Variants in DAB1 observed in about 807,000 individuals in gnomAD.
DAB1 encodes disabled homolog 1.
DAB1 carries 15 observed loss-of-function variants against 64.6 expected under a neutral mutation model. That is an observed-to-expected ratio of 0.23 (90% CI 0.16 to 0.36). DAB1 has a LOEUF of 0.36. DAB1 is among the 10% of genes least tolerant of loss of function. DAB1 has a pLI of 1.00. For missense variants in DAB1, 596 were observed against 706.7 expected (o/e 0.84, Z 1.78); for synonymous variants, 235 against 251.9 (o/e 0.93, Z 0.64).
intron 7 of DAB1, chr1:57,606,011 T>C: frequency 1.5e-6 from 1 of 658,622 alleles, no homozygotes; most frequent in East Asian, 2.9e-5. Flanking sequence ...GGAGTTTTTC[T>C]TGTAGTGATT....
chr1:57,182,645 C>T (rs1056411447), intron 2 of DAB1, among the ~76,000 whole-genome samples: 6 of 152,098 alleles, frequency 3.9e-5, no homozygotes, highest in African/African-American at 1.2e-4. Flanking sequence ...AACTATAAAA[C>T]GTATATTAGT....
intron 4 of DAB1, among the ~76,000 whole-genome samples, chr1:58,203,993 G>A (rs1232102878): frequency 6.6e-6 from 1 of 152,158 alleles, no homozygotes; most frequent in Non-Finnish European, 1.5e-5. Flanking sequence ...TTTAGCTAGT[G>A]GCATTAGAAC....
intron 8 of DAB1, among the ~76,000 whole-genome samples, chr1:57,065,026 G>A (rs112201422): frequency 1.3e-5 from 2 of 152,098 alleles, no homozygotes; most frequent in Non-Finnish European, 2.9e-5. Flanking sequence ...TGCTCACTAC[G>A]GGCACTTAGC....
intron 7 of DAB1, among the ~76,000 whole-genome samples, chr1:57,482,501 A>C (rs955044795): frequency 3.3e-5 from 5 of 151,026 alleles, no homozygotes; most frequent in African/African-American, 4.9e-5. Flanking sequence ...AAAAAAAAAA[A>C]AAACAAGAAA....
intron 3 of DAB1, among the ~76,000 whole-genome samples, chr1:58,493,217 C>T (rs1280383843): frequency 1.3e-5 from 2 of 152,104 alleles, no homozygotes; most frequent in East Asian, 3.9e-4. Context: ...AATTCAACAG[C>T]CCTTCATGCT....
chr1:58,476,601 G>A (rs535557088), intron 3 of DAB1, among the ~76,000 whole-genome samples: 1 of 152,202 alleles, frequency 6.6e-6, no homozygotes, highest in Non-Finnish European at 1.5e-5. Context: ...TCCCAGTAAT[G>A]AAGTGGGAGA....
chr1:58,396,351 G>A (rs1239368568), intron 3 of DAB1, among the ~76,000 whole-genome samples: 1 of 152,034 alleles, frequency 6.6e-6, no homozygotes, highest in Non-Finnish European at 1.5e-5. Context: ...TCATTGTTAG[G>A]CATTCCCCAG....
At chr1:58,495,341 G>C (rs1183752606) in intron 3 of DAB1, among the ~76,000 whole-genome samples, 3 of 152,078 alleles carry the variant, frequency 2.0e-5, no homozygotes, top group East Asian at 1.9e-4. Flanking sequence ...AATGGGTGCA[G>C]CACACCAACA....
chr1:57,505,918 G>A (rs771239921), intron 7 of DAB1, among the ~76,000 whole-genome samples: 8 of 152,098 alleles, frequency 5.3e-5, no homozygotes, highest in East Asian at 1.9e-4. Context: ...AATCTGCCCC[G>A]CCTCAGCCTC....
At chr1:58,061,154 A>G (rs72906523) in intron 5 of DAB1, among the ~76,000 whole-genome samples, 2,746 of 152,306 alleles carry the variant, frequency 0.018, 75 homozygotes, top group African/African-American at 0.063. Flanking sequence ...TCAGAGTATC[A>G]GAGAATATGC....
chr1:57,001,448 C>G (rs993258150), intron 14 of DAB1, among the ~76,000 whole-genome samples: 3 of 152,128 alleles, frequency 2.0e-5, no homozygotes, highest in African/African-American at 7.2e-5. Flanking sequence ...CTAATAAATA[C>G]CCCTTCTAGA....
intron 4 of DAB1, among the ~76,000 whole-genome samples, chr1:58,244,183 A>C (rs1660427922): frequency 6.6e-6 from 1 of 152,214 alleles, no homozygotes; most frequent in South Asian, 2.1e-4. Flanking sequence ...AATTGATAGA[A>C]TAACATATGA....
chr1:57,015,073 G>A lies in DAB1; in HGVS notation c.1254C>T (p.Phe418=). 1 of 1,614,194 alleles carries A rather than the reference G, an allele frequency of 6.2e-7. No homozygotes were observed. Among genetic ancestry groups the A allele is most frequent in the Non-Finnish European group, 8.5e-7 (1 of 1,180,036 alleles). Residue 418 remains phenylalanine (F), a synonymous_variant, in exon 12 of 15, where the codon TTC becomes TTT. Transcript: ENST00000371236. ...QKMGKETFKD[F]QMAQPPPVPS... ...GCACGGGCGGAGGCTGGGCCATCTG[G>A]AAATCCTTAAACGTTTCTTTGCCCA...
At chr1:58,218,989 TTCTCTCTC>T (rs1049058578) in intron 4 of DAB1, among the ~76,000 whole-genome samples, 8 of 125,932 alleles carry the variant, frequency 6.4e-5, no homozygotes, top group African/African-American at 2.3e-4. Context: ...ATTCTGGCCA[TTCTCTCTC>T]TCTCTCTCTC....
chr1:57,764,347 CAT>C lies in DAB1; in HGVS notation n.552-114684_552-114683del, dbSNP rs67536814. Among the ~76,000 whole-genome samples the C allele has an allele frequency of 0.019, 2,894 of 152,230 alleles. 128 individuals are homozygous for C. The East Asian group carries it at 0.19, about 10-fold the overall frequency. ...TGTACCTATTTATGGGCCACCTTGT[CAT>C]GTGTGGATACATATAACATGTAGTG... On this transcript the variant is annotated intron_variant and non_coding_transcript_variant, in intron 6 of 20. Coordinates refer to the DAB1 transcript ENST00000485760.
intron 5 of DAB1, among the ~76,000 whole-genome samples, chr1:57,922,602 GA>G (rs1644823706): frequency 6.6e-6 from 1 of 151,900 alleles, no homozygotes; most frequent in South Asian, 2.1e-4. Flanking sequence ...ATGCACAAAT[GA>G]TAACCCCTTG....
chr1:57,633,849 C>G (rs1355903569), intron 7 of DAB1, among the ~76,000 whole-genome samples: 1 of 152,188 alleles, frequency 6.6e-6, no homozygotes, highest in Non-Finnish European at 1.5e-5. Context: ...TACAAAGAAG[C>G]AGACCTAACC....
chr1:57,061,011 G>C (rs976952010), intron 9 of DAB1, among the ~76,000 whole-genome samples: 3 of 152,058 alleles, frequency 2.0e-5, no homozygotes, highest in Admixed American at 2.0e-4. Flanking sequence ...ATGGTGTCAT[G>C]GGGGCTGGAC....
chr1:58,204,548 C>T (rs1658164942), intron 4 of DAB1, among the ~76,000 whole-genome samples: 1 of 152,136 alleles, frequency 6.6e-6, no homozygotes, highest in Non-Finnish European at 1.5e-5. Context: ...TGATGATACA[C>T]AGATTAGCTC....
Sources: allele counts gnomAD v4.1 joint callset (sites outside exome capture counted in the v4.1 genomes callset), GRCh38; gene constraint gnomAD v4.1.1; transcripts MANE v1.5; gene names NCBI Gene and HGNC (gene_info 2026-07-23, HGNC 2026-07-21).